Variants in RFX6 observed in about 807,000 individuals in gnomAD.
RFX6 encodes DNA-binding protein RFX6.
Under a neutral mutation model 110.8 loss-of-function variants are expected in RFX6, and 50 were observed. The observed-to-expected ratio is 0.45, with a 90% CI of 0.36 to 0.57. The LOEUF (loss-of-function observed/expected upper bound fraction) is 0.57. Ranked by LOEUF, RFX6 falls within the 20% of genes least tolerant of loss-of-function variation. The probability of loss-of-function intolerance (pLI) is 0.00; values close to 1 mark genes in which losing one functional copy is unlikely to be tolerated. For synonymous variants in RFX6, 383 were observed against 411.2 expected (o/e 0.93, Z 0.83); for missense variants, 990 against 1,127.0 (o/e 0.88, Z 1.74).
intron 6 of RFX6, among the ~76,000 whole-genome samples, chr6:116,900,079 A>G (rs1582519731): frequency 6.6e-6 from 1 of 152,360 alleles, no homozygotes; most frequent in East Asian, 1.9e-4. Flanking sequence ...TTACAATATG[A>G]AACTATGAAA....
At chr6:116,915,791 C>A (rs1273705907) in intron 7 of RFX6, among the ~76,000 whole-genome samples, 1 of 151,864 alleles carries the variant, frequency 6.6e-6, no homozygotes, top group East Asian at 1.9e-4. Context: ...TTACCTTTTT[C>A]ATATTATACT....
chr6:116,883,548 T>G (rs35537732), intron 4 of RFX6, among the ~76,000 whole-genome samples: 5,097 of 152,310 alleles, frequency 0.033, 110 homozygotes, highest in Non-Finnish European at 0.05. Context: ...TCCAAAACAT[T>G]ATTATCTCAC....
At chr6:116,915,932 T>A (rs1775452075) in intron 7 of RFX6, 76 bp from the exon 8 acceptor site, 2 of 1,037,940 alleles carry the variant, frequency 1.9e-6, no homozygotes, top group African/African-American at 3.1e-5. Flanking sequence ...TTTTAAAAAA[T>A]CTGTGTTGAA....
chr6:116,912,847 G>GT (rs1562143035), intron 7 of RFX6, among the ~76,000 whole-genome samples: 3 of 151,746 alleles, frequency 2.0e-5, no homozygotes, highest in African/African-American at 7.3e-5. Flanking sequence ...TTGAAAGACT[G>GT]GTCTGTAGAT....
chr6:116,903,389 G>T (rs536160424), intron 6 of RFX6, among the ~76,000 whole-genome samples: 2 of 151,910 alleles, frequency 1.3e-5, no homozygotes, highest in African/African-American at 4.8e-5. Flanking sequence ...CTTAATATGT[G>T]TTTCTTTAGC....
intron 4 of RFX6, among the ~76,000 whole-genome samples, chr6:116,885,396 A>G (rs1318599559): frequency 1.3e-5 from 2 of 152,194 alleles, no homozygotes; most frequent in East Asian, 3.8e-4. Flanking sequence ...TATCTGCACT[A>G]CAATTAGAAG....
chr6:116,894,257 T>A (rs112613655), intron 5 of RFX6, among the ~76,000 whole-genome samples, 193 bp downstream of exon 5: 1 of 152,220 alleles, frequency 6.6e-6, no homozygotes, highest in East Asian at 1.9e-4. Flanking sequence ...TCATAATTAG[T>A]GAGAAATTAA....
In RFX6 at chr6:116,927,406, T is replaced by C. The variant is rs1562149173; in HGVS notation, c.2265T>C (p.Ser755=). Residue 755 remains serine, a synonymous_variant, in exon 17 of 19, where the codon TCT becomes TCC. Transcript: ENST00000332958. ...AGSPYNSRPP[S]SYGPSLQAQD... ...CTCCATATAACTCCCGGCCACCGTCTAGCTATGGCCCATCCCTGCAAGCCC... is the reference window on the plus strand; with the variant it reads ...CTCCATATAACTCCCGGCCACCGTCCAGCTATGGCCCATCCCTGCAAGCCC... 6.2e-7 allele frequency: 1 copy of C among 1,614,130 alleles called. No individual in the cohort carries two copies. Among genetic ancestry groups the C allele is most frequent in the South Asian group, 1.1e-5 (1 of 91,076 alleles).
chr6:116,905,834 C>A lies in RFX6; in HGVS notation c.673-5101C>A, dbSNP rs76630259. 5.7e-3 allele frequency among the ~76,000 whole-genome samples: 873 copies of A among 152,114 alleles called. 5 individuals are homozygous for A. The highest frequency in any genetic ancestry group is 0.01 in the Non-Finnish European group (680 of 67,968). ...CAAAGTGCTGGGATTATAAATAGTT[C>A]ATGAAGAACTATTTTTTTTATGAAG... On this transcript the variant is annotated intron_variant, in intron 6 of 18. Transcript: ENST00000332958.
chr6:116,912,037 C>T (rs548156060), intron 7 of RFX6, among the ~76,000 whole-genome samples: 1 of 152,208 alleles, frequency 6.6e-6, no homozygotes, highest in African/African-American at 2.4e-5. Flanking sequence ...TTTGCAGCAA[C>T]ATGGATGCAG....
intron 5 of RFX6, 83 bp from the exon 6 acceptor site, chr6:116,895,097 G>A: frequency 1.4e-6 from 1 of 715,060 alleles, no homozygotes; most frequent in Non-Finnish European, 2.5e-6. Flanking sequence ...TGAAATTACT[G>A]CTTCTTTAGG....
chr6:116,913,482 C>T (rs1775400382), intron 7 of RFX6, among the ~76,000 whole-genome samples: 1 of 152,174 alleles, frequency 6.6e-6, no homozygotes, highest in South Asian at 2.1e-4. Context: ...GTTGTCTCCC[C>T]CACCACGTGC....
At chr6:116,921,834 C>T (rs918868810) in intron 12 of RFX6, among the ~76,000 whole-genome samples, 3 of 151,904 alleles carry the variant, frequency 2.0e-5, no homozygotes, top group African/African-American at 7.3e-5. Flanking sequence ...CTCTCTCTCA[C>T]ACACACACCA....
intron 18 of RFX6, 26 bp from the exon 19 acceptor site, chr6:116,931,305 A>G (rs367609133): frequency 9.2e-5 from 144 of 1,564,426 alleles, no homozygotes; most frequent in Admixed American, 1.2e-4. Flanking sequence ...TCAATTTTCA[A>G]TTGCTGATTA....
Position 116,925,506 on chromosome 6 carries a change from C to G in RFX6, c.1732C>G (p.Arg578Gly). The change falls in exon 16 of 19, where the codon CGT (arginine) becomes GGT (glycine). Residue 578 changes from arginine to glycine, a missense_variant. Coordinates refer to ENST00000332958, the MANE Select transcript of RFX6 (RefSeq NM_173560.4). ...TCCGAGTTCATGCTTTCTGGCCAAC[C>G]GTAATAAAGGGAGCATGGTTTCCAG... ...ASPSSCFLAN[R>G]NKGSMVSSDA... 6.2e-7 allele frequency: 1 copy of G among 1,614,106 alleles called. No individual in the cohort carries two copies. Among genetic ancestry groups the G allele is most frequent in the Non-Finnish European group, 8.5e-7 (1 of 1,179,968 alleles).
intron 6 of RFX6, among the ~76,000 whole-genome samples, chr6:116,907,371 A>T (rs1213690891): frequency 6.6e-6 from 1 of 152,150 alleles, no homozygotes; most frequent in South Asian, 2.1e-4. Flanking sequence ...TATTGGCCTC[A>T]TAGAATAAGT....
rs34459606 is a variant in RFX6 at position 116,919,562 on chromosome 6, TAAG to T, written c.1182+270_1182+272del. Among the ~76,000 whole-genome samples the T allele has an allele frequency of 0.36, 54,567 of 151,906 alleles. 10,703 individuals carry two copies. Among genetic ancestry groups the T allele is most frequent in the East Asian group, 0.51 (2,620 of 5,166 alleles). On this transcript the variant is annotated intron_variant, in intron 11 of 18. Transcript: ENST00000332958. ...AATATACAATAGTTACAGAAGATGA[TAAG>T]AAGCTGGATGGAGAGTATATGGAAA...
At position 116,877,370 on chromosome 6, in the gene RFX6, T is replaced by A. The variant is rs779105441; in HGVS notation, c.95T>A (p.Leu32His). The A allele has an allele frequency of 6.2e-7, 1 of 1,611,590 alleles. No individual in the cohort carries two copies. The highest frequency in any genetic ancestry group is 2.2e-5 in the East Asian group (1 of 44,740). ...ATCCAGGAAGACTGCTGTGTGCAGC[T>A]CCTGGGCAAGGGCTTGCTAGTCTAT... ...PGIQEDCCVQLLGKGLLVYPE... is the reference protein window; with the variant it reads ...PGIQEDCCVQHLGKGLLVYPE... Residue 32 changes from leucine (L) to histidine (H), a missense_variant, in exon 1 of 19, where the codon CTC becomes CAC. Transcript: ENST00000332958.
At chr6:116,882,596 T>C (rs1441241296) in intron 4 of RFX6, among the ~76,000 whole-genome samples, 168 bp downstream of exon 4, 1 of 151,748 alleles carries the variant, frequency 6.6e-6, no homozygotes, top group Non-Finnish European at 1.5e-5. Context: ...TTTAGAATAA[T>C]GTTTAAAAAG....
Sources: allele counts gnomAD v4.1 joint callset (sites outside exome capture counted in the v4.1 genomes callset), GRCh38; gene constraint gnomAD v4.1.1; transcripts MANE v1.5; gene names NCBI Gene and HGNC (gene_info 2026-07-23, HGNC 2026-07-21).